The following ATG4A variants were observed in gnomAD, a reference collection of about 807,000 sequenced individuals.
ATG4A encodes autophagy related 4A cysteine peptidase.
In ATG4A, 22 loss-of-function variants were observed where a neutral mutation model predicts 38.4. The ratio of observed to expected loss-of-function variants is 0.57; its 90% CI spans 0.41 to 0.82. The LOEUF is 0.82. Ranked by LOEUF, ATG4A falls within the 40% of genes least tolerant of loss-of-function variation. The pLI is 0.00. For synonymous variants in ATG4A, 86 were observed against 100.7 expected, an observed-to-expected ratio of 0.85 and a Z score of 0.88; for missense variants, 220 against 290.0, an observed-to-expected ratio of 0.76 and a Z score of 1.75.
intron 1 of ATG4A, among the ~76,000 whole-genome samples, chrX:108,101,972 G>T (rs944820773): frequency 9.0e-6 from 1 of 110,706 alleles, no homozygotes; most frequent in Non-Finnish European, 1.9e-5. Context: ...ATTTATCTGT[G>T]GATGGACATT....
chrX:108,130,461 TTTCG>T (rs1367693426), intron 3 of ATG4A, among the ~76,000 whole-genome samples: 1 of 112,604 alleles, frequency 8.9e-6, no homozygotes, highest in East Asian at 2.8e-4. Flanking sequence ...TATTGTCTTA[TTTCG>T]TTTATTAACT....
Position 108,134,421 on chromosome X carries a change from AGAGTCT to A in ATG4A, c.467+12_467+17del. 4 of 1,199,282 alleles carry A rather than the reference AGAGTCT, an allele frequency of 3.3e-6. No homozygotes were observed. The highest frequency in any genetic ancestry group is 4.5e-6 in the Non-Finnish European group (4 of 886,901). On this transcript the variant is annotated intron_variant, in intron 6 of 12. Transcript: ENST00000372232. ...TTGCACAGGTGTTAAAGTAAGTAAAAGAGTCTGGCATCTGCCTTATTCTGCTGTCTC... is the reference window on the plus strand; with the variant it reads ...TTGCACAGGTGTTAAAGTAAGTAAAAGGCATCTGCCTTATTCTGCTGTCTC...
upstream of ATG4A, chrX:108,091,592 C>T: frequency 9.7e-7 from 1 of 1,031,479 alleles, no homozygotes. Flanking sequence ...CTACGCCAGT[C>T]AAAACAGCCG....
intron 6 of ATG4A, among the ~76,000 whole-genome samples, chrX:108,136,823 G>A (rs1173277557): frequency 1.8e-5 from 2 of 111,699 alleles, no homozygotes; most frequent in African/African-American, 6.5e-5. Context: ...CCCAGTAGGT[G>A]TCCCGTCATT....
intron 1 of ATG4A, among the ~76,000 whole-genome samples, chrX:108,119,138 G>T (rs757879602): frequency 1.1e-4 from 12 of 111,280 alleles, no homozygotes; most frequent in African/African-American, 2.3e-4. Context: ...ACCCCATCCT[G>T]CCTCCACGTA....
intron 1 of ATG4A, among the ~76,000 whole-genome samples, chrX:108,116,126 A>T (rs2032504824): frequency 8.9e-6 from 1 of 112,218 alleles, no homozygotes; most frequent in East Asian, 2.8e-4. Flanking sequence ...ATAAAATAAC[A>T]TTGGAAAATC....
intron 9 of ATG4A, 70 bp from the exon 10 acceptor site, chrX:108,150,082 T>A (rs1264351455): frequency 1.2e-5 from 13 of 1,119,066 alleles, no homozygotes; most frequent in African/African-American, 2.1e-5. Flanking sequence ...CCAGAGTGCC[T>A]CCTCCCAACA....
At chrX:108,115,780 A>G (rs2032490859) in intron 1 of ATG4A, among the ~76,000 whole-genome samples, 1 of 112,366 alleles carries the variant, frequency 8.9e-6, no homozygotes, top group South Asian at 3.7e-4. Context: ...TCACTAGAGT[A>G]GGTATGATAA....
rs1360154253 is a variant in ATG4A, at chrX:108,110,626, T to C, written c.11-15451T>C. Among the ~76,000 whole-genome samples, 3 of 111,938 alleles carry C rather than the reference T, an allele frequency of 2.7e-5. No individual in the cohort carries two copies. The Admixed American group carries it at 2.8e-4, about 11-fold the overall frequency. On this transcript the variant is annotated intron_variant, in intron 1 of 12. Coordinates refer to ENST00000372232, the MANE Select transcript of ATG4A (RefSeq NM_052936.5). Reference sequence around the variant, plus strand: ...CACTACACTCATTAGCCTCTAGTATTCTCTGTTCTACTTTTTACTTCTATG... The same window carrying C: ...CACTACACTCATTAGCCTCTAGTATCCTCTGTTCTACTTTTTACTTCTATG...
At chrX:108,101,666 A>T (rs2032019569) in intron 1 of ATG4A, among the ~76,000 whole-genome samples, 1 of 109,466 alleles carries the variant, frequency 9.1e-6, no homozygotes, top group Non-Finnish European at 1.9e-5. Flanking sequence ...ACAATGTTGT[A>T]CAGCAGATCT....
At chrX:108,121,938 A>C (rs1303700879) in intron 1 of ATG4A, among the ~76,000 whole-genome samples, 3 of 112,086 alleles carry the variant, frequency 2.7e-5, no homozygotes, top group Admixed American at 9.4e-5. Context: ...TTAAGATGTG[A>C]TTTGATGTAT....
At chrX:108,113,406 T>C (rs2032418934) in intron 1 of ATG4A, among the ~76,000 whole-genome samples, 1 of 110,932 alleles carries the variant, frequency 9.0e-6, no homozygotes, top group South Asian at 3.8e-4. Context: ...CAAGGAGTAT[T>C]TGGGGCACTG....
chrX:108,130,946 T>G (rs2032936930), intron 3 of ATG4A, among the ~76,000 whole-genome samples: 1 of 111,707 alleles, frequency 9.0e-6, no homozygotes, highest in South Asian at 3.8e-4. Context: ...GACTAAGGGT[T>G]GGTATTCATA....
At chrX:108,142,505 T>TACAC (rs746647029) in intron 9 of ATG4A, among the ~76,000 whole-genome samples, 4 of 106,612 alleles carry the variant, frequency 3.8e-5, no homozygotes, top group South Asian at 4.1e-4. Flanking sequence ...ATAACATACA[T>TACAC]ACACACACAC....
intron 1 of ATG4A, among the ~76,000 whole-genome samples, chrX:108,097,235 T>C (rs1226418606): frequency 8.9e-6 from 1 of 111,970 alleles, no homozygotes; most frequent in East Asian, 2.8e-4. Context: ...GCAATTCTAC[T>C]CCAAAGTCCT....
At chrX:108,151,724 A>AT (rs1423744443) in intron 10 of ATG4A, 78 bp from the exon 11 acceptor site, 2 of 1,029,008 alleles carry the variant, frequency 1.9e-6, no homozygotes, top group Admixed American at 4.6e-5. Context: ...ACTGGCCCAC[A>AT]TCCTAATTCT....
chrX:108,123,986 C>G (rs915789575), intron 1 of ATG4A, among the ~76,000 whole-genome samples: 3 of 112,441 alleles, frequency 2.7e-5, no homozygotes, highest in African/African-American at 9.7e-5. Flanking sequence ...TGCCCTTTTC[C>G]TACAGTCTAC....
intron 5 of ATG4A, 65 bp from the exon 6 acceptor site, chrX:108,134,274 T>A (rs996270293): frequency 8.6e-7 from 1 of 1,164,831 alleles, no homozygotes; most frequent in African/African-American, 1.8e-5. Flanking sequence ...TGCAAAAAAT[T>A]AAGATTTTGT....
chrX:108,141,661 C>G (rs1020552978), intron 9 of ATG4A, among the ~76,000 whole-genome samples: 1 of 111,017 alleles, frequency 9.0e-6, no homozygotes, highest in African/African-American at 3.3e-5. Flanking sequence ...GATGTTGGTT[C>G]CTTGCACTTG....
Sources: allele counts gnomAD v4.1 joint callset (sites outside exome capture counted in the v4.1 genomes callset), GRCh38; gene constraint gnomAD v4.1.1; transcripts MANE v1.5; gene names NCBI Gene and HGNC (gene_info 2026-07-23, HGNC 2026-07-21).